The following PUM3 variants were observed in gnomAD, a reference collection of about 807,000 sequenced individuals.
PUM3 encodes the protein pumilio RNA binding family member 3.
In PUM3, 91 loss-of-function variants were observed where a neutral mutation model predicts 84.0. That is an observed-to-expected ratio of 1.08 (90% CI 0.91 to 1.29). The LOEUF (loss-of-function observed/expected upper bound fraction) is 1.29. Ranked by LOEUF, PUM3 falls within the 50% of genes most tolerant of loss-of-function variation. The pLI is 0.00. For missense variants in PUM3, 1,067 were observed against 767.5 expected (o/e 1.39, Z -4.61); for synonymous variants, 321 against 266.7 (o/e 1.20, Z -1.98).
intron 1 of PUM3, among the ~76,000 whole-genome samples, chr9:2,840,883 C>T (rs1050906152): frequency 1.3e-5 from 2 of 152,222 alleles, no homozygotes; most frequent in Non-Finnish European, 2.9e-5. Context: ...AAACCAAGAT[C>T]TGAGTGCTAG....
chr9:2,810,446 G>C lies in PUM3; in HGVS notation c.1636-15C>G, dbSNP rs751360935. On this transcript the variant is annotated splice_polypyrimidine_tract_variant and intron_variant, in intron 15 of 17. Coordinates refer to ENST00000397885, the MANE Select transcript of PUM3 (RefSeq NM_014878.5). ...GCAATGTGAAGCTATGAAGGGTCAAGAACAGTTAATTTTAAAAGTTGTTTT... is the reference window on the plus strand; with the variant it reads ...GCAATGTGAAGCTATGAAGGGTCAACAACAGTTAATTTTAAAAGTTGTTTT... 17 of 1,553,762 alleles carry C rather than the reference G, an allele frequency of 1.1e-5. No individual in the cohort carries two copies. In the African/African-American group the frequency reaches 2.1e-4, roughly 19 times the overall value.
At chr9:2,813,124 T>C (rs1821404649) in intron 13 of PUM3, among the ~76,000 whole-genome samples, 1 of 152,172 alleles carries the variant, frequency 6.6e-6, no homozygotes, top group Non-Finnish European at 1.5e-5. Flanking sequence ...ACTAAGCAGT[T>C]ACAAATTACA....
In PUM3 at chr9:2,831,330, G is replaced by A. The variant is rs376066589; in HGVS notation, c.531C>T (p.His177=). 38 of 1,604,030 alleles carry A rather than the reference G, an allele frequency of 2.4e-5. No individual in the cohort carries two copies. Among genetic ancestry groups the A allele is most frequent in the African/African-American group, 1.3e-4 (10 of 74,522 alleles). ...AACACTGGATCACACGAGTTGAATC[G>A]TGTGCAAATGCAATCTGCAGGAAAA... The part of the protein sequence containing the change: ...QGKIKTIAFA[H]DSTRVIQCYI... Residue 177 remains histidine, a synonymous_variant, in exon 6 of 18, where the codon CAC becomes CAT. Transcript: ENST00000397885.
At chr9:2,843,420 A>C (rs1816319325) in intron 1 of PUM3, among the ~76,000 whole-genome samples, 1 of 152,054 alleles carries the variant, frequency 6.6e-6, no homozygotes, top group African/African-American at 2.4e-5. Flanking sequence ...GCGTACATTC[A>C]GGCAAACCGC....
At chr9:2,837,438 G>T (rs772439428) in intron 2 of PUM3, 37 bp from the exon 3 acceptor site, 4 of 1,371,322 alleles carry the variant, frequency 2.9e-6, no homozygotes, top group South Asian at 1.2e-5. Context: ...AATGATTCTG[G>T]GCCCAAATCT....
chr9:2,837,049 AT>A lies in PUM3; in HGVS notation c.304+130del, dbSNP rs1390705083. The stretch of plus-strand genomic sequence containing the variant: ...GAGCATGAAAGATGCTTTGTTGTTT[AT>A]TTAAGCCACCTACCTGTCCCAAAAT... On this transcript the variant is annotated intron_variant, in intron 3 of 17. Transcript: ENST00000397885. 4.1e-6 allele frequency: 3 copies of A among 739,182 alleles called. No homozygotes were observed. In the African/African-American group the frequency reaches 5.3e-5, roughly 13 times the overall value. 45.8% of individuals were successfully genotyped at this position (739,182 alleles called of 1,614,324 possible).
intron 1 of PUM3, among the ~76,000 whole-genome samples, chr9:2,839,213 C>A (rs1816206005): frequency 6.6e-6 from 1 of 152,180 alleles, no homozygotes; most frequent in African/African-American, 2.4e-5. Flanking sequence ...CTCACCTACC[C>A]AAGGTCCCTG....
At chr9:2,830,745 T>C (rs1419798956) in intron 7 of PUM3, among the ~76,000 whole-genome samples, 1 of 152,198 alleles carries the variant, frequency 6.6e-6, no homozygotes, top group Non-Finnish European at 1.5e-5. Context: ...ACATTTCTCA[T>C]GTATCTTTTT....
intron 15 of PUM3, 132 bp downstream of exon 15, chr9:2,811,229 G>C: frequency 1.4e-6 from 1 of 695,218 alleles, no homozygotes; most frequent in Non-Finnish European, 2.5e-6. Context: ...AATTGCTGCT[G>C]TGAGAGGTTC....
At chr9:2,827,178 G>C (rs1264205757) in intron 9 of PUM3, 27 bp from the exon 10 acceptor site, 1 of 1,539,778 alleles carries the variant, frequency 6.5e-7, no homozygotes, top group East Asian at 2.3e-5. Flanking sequence ...AAAGCAAAAA[G>C]ACACAACAGA....
intron 3 of PUM3, among the ~76,000 whole-genome samples, chr9:2,836,147 CCCTA>C (rs1202836545): frequency 6.6e-6 from 1 of 152,148 alleles, no homozygotes; most frequent in Non-Finnish European, 1.5e-5. Flanking sequence ...CTTCCTCTCT[CCCTA>C]CCTCCTTGTC....
Position 2,812,276 on chromosome 9 carries a change from T to C in PUM3, c.1356A>G (p.Ala452=), listed in dbSNP as rs1261932558. ...CTTCAATGATTTCTCGTACTGTATG[T>C]GCAGGATCTCTGGGGCTTAGTAAGT... is the stretch of plus-strand genomic sequence containing the variant. The part of the protein sequence containing the change: ...LLYLLSPRDP[A]HTVREIIEVL... The change falls in exon 14 of 18, where the codon GCA becomes GCG. Residue 452 remains alanine, a synonymous_variant. Coordinates refer to ENST00000397885, the MANE Select transcript of PUM3 (RefSeq NM_014878.5). 6.2e-7 allele frequency: 1 copy of C among 1,613,080 alleles called. No individual in the cohort carries two copies. Among genetic ancestry groups the C allele is most frequent in the Non-Finnish European group, 8.5e-7 (1 of 1,179,166 alleles).
chr9:2,835,226 G>A (rs562330818), intron 3 of PUM3, among the ~76,000 whole-genome samples: 6 of 152,044 alleles, frequency 3.9e-5, no homozygotes, highest in South Asian at 2.1e-4. Context: ...CAGCCTGGGC[G>A]AAATAGTGAG....
intron 13 of PUM3, 94 bp downstream of exon 13, chr9:2,819,924 G>GC: frequency 4.1e-6 from 3 of 725,276 alleles, no homozygotes; most frequent in South Asian, 1.9e-5. Flanking sequence ...AGGCACAGCT[G>GC]CAAGTCTTTA....
chr9:2,835,816 A>T (rs1375651661), intron 3 of PUM3, among the ~76,000 whole-genome samples: 1 of 152,188 alleles, frequency 6.6e-6, no homozygotes, highest in Non-Finnish European at 1.5e-5. Context: ...AATATGAGAA[A>T]ATGAAATCCA....
intron 10 of PUM3, among the ~76,000 whole-genome samples, chr9:2,825,998 G>A (rs1308035323): frequency 2.0e-5 from 3 of 152,066 alleles, no homozygotes; most frequent in African/African-American, 4.8e-5. Flanking sequence ...TGACTCTCAA[G>A]AGCAGTTTCA....
At chr9:2,817,487 C>T (rs1821495897) in intron 13 of PUM3, among the ~76,000 whole-genome samples, 1 of 152,096 alleles carries the variant, frequency 6.6e-6, no homozygotes, top group South Asian at 2.1e-4. Context: ...GGCTTGCTGA[C>T]CCCTGACAAT....
intron 17 of PUM3, among the ~76,000 whole-genome samples, chr9:2,807,464 G>A (rs528132383): frequency 1.3e-5 from 2 of 151,500 alleles, no homozygotes; most frequent in South Asian, 2.1e-4. Context: ...TTAGTTGGGT[G>A]TGGTGGCATG....
chr9:2,837,609 A>G (rs1816162500), intron 2 of PUM3, among the ~76,000 whole-genome samples: 1 of 152,208 alleles, frequency 6.6e-6, no homozygotes, highest in Non-Finnish European at 1.5e-5. Flanking sequence ...AAAACCACCT[A>G]GAGAGTAGAG....
Sources: allele counts gnomAD v4.1 joint callset (sites outside exome capture counted in the v4.1 genomes callset), GRCh38; gene constraint gnomAD v4.1.1; transcripts MANE v1.5; gene names NCBI Gene and HGNC (gene_info 2026-07-23, HGNC 2026-07-21).